Variants in SNTG2 observed in about 807,000 individuals in gnomAD.
SNTG2 encodes the protein syntrophin gamma 2, also known as gamma-2-syntrophin.
Under a neutral mutation model 70.9 loss-of-function variants are expected in SNTG2, and 74 were observed. The observed-to-expected ratio is 1.04, with a 90% CI of 0.86 to 1.27. The LOEUF is 1.27. SNTG2 is among the 50% of genes most tolerant of loss of function. The pLI is 0.00. For synonymous variants in SNTG2, 278 were observed against 273.8 expected (o/e 1.02, Z -0.15); for missense variants, 717 against 690.7 (o/e 1.04, Z -0.43).
chr2:1,082,534 G>A (rs1055158167), intron 1 of SNTG2, among the ~76,000 whole-genome samples: 1 of 152,186 alleles, frequency 6.6e-6, no homozygotes, highest in Non-Finnish European at 1.5e-5. Context: ...TAGCACTGGG[G>A]CTCTAGGCAG....
intron 16 of SNTG2, among the ~76,000 whole-genome samples, chr2:1,334,655 G>A (rs894858164): frequency 3.3e-5 from 5 of 152,142 alleles, no homozygotes; most frequent in Non-Finnish European, 7.3e-5. Context: ...CTTGGATGGA[G>A]CTGGAAGCCA....
chr2:1,133,688 T>C (rs1668169864), intron 4 of SNTG2, among the ~76,000 whole-genome samples: 1 of 104,452 alleles, frequency 9.6e-6, no homozygotes, highest in South Asian at 3.7e-4. Context: ...TTATCACCCA[T>C]TTTACCACTT....
rs146033649 is a variant in SNTG2 at position 1,182,391 on chromosome 2, G to C, written c.591+9208G>C. Reference sequence around the variant, plus strand: ...AAAAAAAAAAAAAACTAATCAAAAAGACTCTGGTCATTGTAACTAACTGAA... The same window carrying C: ...AAAAAAAAAAAAAACTAATCAAAAACACTCTGGTCATTGTAACTAACTGAA... On this transcript the variant is annotated intron_variant, in intron 8 of 16. Coordinates refer to ENST00000308624, the MANE Select transcript of SNTG2 (RefSeq NM_018968.4). 3.3e-5 allele frequency among the ~76,000 whole-genome samples: 4 copies of C among 120,946 alleles called. No individual in the cohort carries two copies. The East Asian group carries it at 8.7e-4, about 26-fold the overall frequency. The allele number at this position is 120,946 out of a possible 152,430, so 79.3% of individuals were successfully genotyped here. A position where few individuals can be genotyped will look rare whatever the true frequency, so the allele number is the denominator to read the frequency against.
At chr2:1,292,602 A>G (rs1034944483) in intron 14 of SNTG2, among the ~76,000 whole-genome samples, 1 of 152,186 alleles carries the variant, frequency 6.6e-6, no homozygotes, top group African/African-American at 2.4e-5. Flanking sequence ...TTAAGATGAT[A>G]CAGATTTTTC....
intron 11 of SNTG2, among the ~76,000 whole-genome samples, 171 bp downstream of exon 11, chr2:1,239,947 C>T (rs896874565): frequency 1.3e-5 from 2 of 152,030 alleles, no homozygotes; most frequent in African/African-American, 4.8e-5. Flanking sequence ...TGGTCTCTGC[C>T]CTGCCTGTTA....
At chr2:1,224,896 G>A (rs575262309) in intron 9 of SNTG2, among the ~76,000 whole-genome samples, 51 of 152,306 alleles carry the variant, frequency 3.3e-4, no homozygotes, top group East Asian at 2.3e-3. Context: ...TGGAGTTCAC[G>A]GAACCCCTCC....
At chr2:1,073,098 C>T (rs1663684736) in intron 1 of SNTG2, among the ~76,000 whole-genome samples, 1 of 152,226 alleles carries the variant, frequency 6.6e-6, no homozygotes, top group Non-Finnish European at 1.5e-5. Flanking sequence ...ATGCTGTGAA[C>T]ATTGCTGAAA....
At chr2:1,106,232 C>T (rs371994135) in intron 4 of SNTG2, among the ~76,000 whole-genome samples, 2 of 116,566 alleles carry the variant, frequency 1.7e-5, no homozygotes, top group African/African-American at 3.3e-5. Flanking sequence ...ATAGTGGATG[C>T]GTGCTGTCAC....
At chr2:1,259,747 C>G (rs892541244) in intron 13 of SNTG2, among the ~76,000 whole-genome samples, 2 of 152,104 alleles carry the variant, frequency 1.3e-5, no homozygotes, top group Non-Finnish European at 2.9e-5. Flanking sequence ...TCATTTATTC[C>G]AAGAACTTTA....
At chr2:972,600 T>C (rs1660779750) in intron 1 of SNTG2, among the ~76,000 whole-genome samples, 1 of 152,170 alleles carries the variant, frequency 6.6e-6, no homozygotes. Flanking sequence ...ATCATCATAA[T>C]ATTGGAGGTG....
rs920720731 is a variant in SNTG2, at chr2:1,316,390, G to T, written c.1488+15G>T. The T allele has an allele frequency of 4.4e-6, 6 of 1,366,986 alleles. No homozygotes were observed. Among genetic ancestry groups the T allele is most frequent in the Non-Finnish European group, 4.1e-6 (4 of 980,652 alleles). 84.7% of individuals were successfully genotyped at this position (1,366,986 alleles called of 1,614,324 possible). On this transcript the variant is annotated intron_variant, in intron 16 of 16. Transcript: ENST00000308624. ...TTGAGACGAAGGTATGCGGCATGGG[G>T]CATGGGTTATTCTGCCACCACCCAC...
intron 4 of SNTG2, among the ~76,000 whole-genome samples, chr2:1,126,905 C>T (rs1211391689): frequency 6.6e-6 from 1 of 152,102 alleles, no homozygotes; most frequent in Non-Finnish European, 1.5e-5. Context: ...TATTTTCTCC[C>T]ATTCCGTGGC....
At chr2:1,310,725 A>G (rs957504397) in intron 15 of SNTG2, among the ~76,000 whole-genome samples, 12 of 152,104 alleles carry the variant, frequency 7.9e-5, no homozygotes, top group African/African-American at 2.7e-4. Context: ...GGCGTGGTCA[A>G]TGCCAGGCAC....
At chr2:1,023,249 C>A (rs1262825403) in intron 1 of SNTG2, among the ~76,000 whole-genome samples, 3 of 152,154 alleles carry the variant, frequency 2.0e-5, no homozygotes, top group East Asian at 3.9e-4. Flanking sequence ...AATCACCCCC[C>A]AGCCTGGCCT....
intron 4 of SNTG2, among the ~76,000 whole-genome samples, chr2:1,135,930 A>G (rs1293861722): frequency 6.6e-6 from 1 of 152,194 alleles, no homozygotes; most frequent in African/African-American, 2.4e-5. Context: ...AGACAAGCTG[A>G]AGCTTAGTTT....
chr2:1,266,943 T>A (rs76513112), intron 13 of SNTG2, among the ~76,000 whole-genome samples: 1 of 151,934 alleles, frequency 6.6e-6, no homozygotes, highest in African/African-American at 2.4e-5. Context: ...TATTTATTCA[T>A]TTATTTTTGT....
At position 1,194,262 on chromosome 2, in the gene SNTG2, G is replaced by A. The variant is rs1672772233; in HGVS notation, c.592-14841G>A. 3.3e-5 allele frequency among the ~76,000 whole-genome samples: 5 copies of A among 152,298 alleles called. No homozygotes were observed. The South Asian group carries it at 1.0e-3, about 32-fold the overall frequency. On this transcript the variant is annotated intron_variant, in intron 8 of 16. Coordinates refer to ENST00000308624, the MANE Select transcript of SNTG2 (RefSeq NM_018968.4). ...GGTCAGGATGGGGGGAGAAGCGCTG[G>A]GGATGCAGTCTAGAGTATTGTCTTT...
intron 1 of SNTG2, among the ~76,000 whole-genome samples, chr2:955,974 C>T (rs994419137): frequency 2.4e-5 from 3 of 126,794 alleles, no homozygotes; most frequent in Non-Finnish European, 5.6e-5. Context: ...TGCCCCTGCC[C>T]CTGCATCTGC....
At chr2:1,139,245 T>A (rs1212413813) in intron 6 of SNTG2, among the ~76,000 whole-genome samples, 3 of 152,130 alleles carry the variant, frequency 2.0e-5, no homozygotes, top group Non-Finnish European at 4.4e-5. Flanking sequence ...TTCATTTTGT[T>A]TTTGAGACAG....
Sources: gnomAD v4.1 joint callset for allele counts (sites outside exome capture counted in the v4.1 genomes callset) on GRCh38, gnomAD v4.1.1 for gene constraint, MANE v1.5 for transcripts, NCBI Gene and HGNC (gene_info 2026-07-23, HGNC 2026-07-21) for gene names.